Variants in MACROD2 observed in about 807,000 individuals in gnomAD.
The protein encoded by MACROD2 is mono-ADP ribosylhydrolase 2, also known as ADP-ribose glycohydrolase MACROD2.
MACROD2 carries 36 observed loss-of-function variants against 70.4 expected under a neutral mutation model. The ratio of observed to expected loss-of-function variants is 0.51; its 90% CI spans 0.39 to 0.68. The LOEUF is 0.68. Ranked by LOEUF, MACROD2 falls within the 30% of genes least tolerant of loss-of-function variation. MACROD2 has a pLI of 0.00. For synonymous variants in MACROD2, 172 were observed against 178.8 expected (o/e 0.96, Z 0.30); for missense variants, 496 against 538.4 (o/e 0.92, Z 0.78).
intron 3 of MACROD2, among the ~76,000 whole-genome samples, chr20:14,180,905 A>T (rs1272128899): frequency 6.6e-6 from 1 of 152,020 alleles, no homozygotes; most frequent in Admixed American, 6.6e-5. Flanking sequence ...TATAAAGTAG[A>T]CTAGTAATTT....
chr20:15,290,221 A>T (rs754714884), intron 6 of MACROD2, among the ~76,000 whole-genome samples: 2 of 152,208 alleles, frequency 1.3e-5, no homozygotes, highest in Admixed American at 6.5e-5. Context: ...TTCCATGATG[A>T]TGTAATTTTC....
At chr20:15,304,630 C>T (rs2077678418) in intron 6 of MACROD2, among the ~76,000 whole-genome samples, 1 of 152,166 alleles carries the variant, frequency 6.6e-6, no homozygotes, top group Non-Finnish European at 1.5e-5. Flanking sequence ...TTATCAGCAC[C>T]AGCTCATATT....
At chr20:14,097,357 A>G (rs975344675) in intron 3 of MACROD2, among the ~76,000 whole-genome samples, 7 of 152,220 alleles carry the variant, frequency 4.6e-5, no homozygotes, top group Non-Finnish European at 1.0e-4. Context: ...TGGAGAAGAT[A>G]GATTGCAGGC....
intron 5 of MACROD2, among the ~76,000 whole-genome samples, chr20:15,056,167 T>A (rs1249694718): frequency 6.6e-6 from 1 of 152,098 alleles, no homozygotes; most frequent in Non-Finnish European, 1.5e-5. Flanking sequence ...TAACTGGAAG[T>A]CTGACATTTA....
intron 8 of MACROD2, among the ~76,000 whole-genome samples, chr20:15,585,624 C>A (rs1192465331): frequency 3.9e-5 from 6 of 152,180 alleles, no homozygotes; most frequent in Non-Finnish European, 7.4e-5. Context: ...CTCTCTCCCC[C>A]AGGGATGGGA....
intron 3 of MACROD2, among the ~76,000 whole-genome samples, chr20:14,277,729 G>C (rs1335824256): frequency 6.6e-6 from 1 of 152,016 alleles, no homozygotes; most frequent in Non-Finnish European, 1.5e-5. Flanking sequence ...GAGAGAGAGA[G>C]AAAAGAAATA....
At chr20:15,616,098 CTTT>C (rs34011264) in intron 8 of MACROD2, among the ~76,000 whole-genome samples, 1 of 111,198 alleles carries the variant, frequency 9.0e-6, no homozygotes, top group Admixed American at 9.4e-5. Flanking sequence ...GTTCCCCATT[CTTT>C]TTTTTTTTTT....
chr20:14,245,256 G>A (rs1267740280), intron 3 of MACROD2, among the ~76,000 whole-genome samples: 3 of 151,826 alleles, frequency 2.0e-5, no homozygotes, highest in African/African-American at 7.3e-5. Context: ...CCAGCTACTT[G>A]GGAGGCTGAG....
At chr20:15,735,387 A>C (rs1043595310) in intron 8 of MACROD2, among the ~76,000 whole-genome samples, 1 of 152,252 alleles carries the variant, frequency 6.6e-6, no homozygotes, top group Non-Finnish European at 1.5e-5. Context: ...AATTGCTTTT[A>C]ATAAGGACTA....
chr20:15,959,722 C>T (rs564971787), intron 12 of MACROD2, among the ~76,000 whole-genome samples: 5 of 152,040 alleles, frequency 3.3e-5, no homozygotes, highest in East Asian at 3.9e-4. Flanking sequence ...TTAGTAGAAG[C>T]GGGGTTTCAC....
At chr20:15,186,313 G>C (rs1019393978) in intron 5 of MACROD2, among the ~76,000 whole-genome samples, 1 of 152,128 alleles carries the variant, frequency 6.6e-6, no homozygotes, top group Non-Finnish European at 1.5e-5. Context: ...CCCAGGTTCT[G>C]TTCACCTGCA....
At chr20:14,343,239 TAA>T (rs5840609) in intron 3 of MACROD2, among the ~76,000 whole-genome samples, 1 of 146,024 alleles carries the variant, frequency 6.8e-6, no homozygotes. Flanking sequence ...TTTAAAATGT[TAA>T]AAAAAAAAAA....
chr20:14,232,415 CA>C (rs1348351641), intron 3 of MACROD2, among the ~76,000 whole-genome samples: 1 of 152,220 alleles, frequency 6.6e-6, no homozygotes, highest in Non-Finnish European at 1.5e-5. Context: ...TTTGCCTACA[CA>C]GGAAATCTCT....
intron 3 of MACROD2, among the ~76,000 whole-genome samples, chr20:14,176,178 G>A (rs146232785): frequency 2.6e-5 from 4 of 152,236 alleles, no homozygotes; most frequent in African/African-American, 4.8e-5. Context: ...TATTAGAGAT[G>A]TTTATCTGAG....
At chr20:14,279,238 C>T (rs1239941607) in intron 3 of MACROD2, among the ~76,000 whole-genome samples, 2 of 152,144 alleles carry the variant, frequency 1.3e-5, no homozygotes, top group African/African-American at 2.4e-5. Context: ...AAATAATTTC[C>T]TTTTCACAGA....
At chr20:14,701,730 T>C (rs914057382) in intron 5 of MACROD2, among the ~76,000 whole-genome samples, 4 of 152,162 alleles carry the variant, frequency 2.6e-5, no homozygotes, top group Non-Finnish European at 5.9e-5. Context: ...ATAGTTTCAC[T>C]AAAAGGAGAA....
At chr20:15,786,617 C>T (rs533393170) in intron 8 of MACROD2, among the ~76,000 whole-genome samples, 1 of 152,150 alleles carries the variant, frequency 6.6e-6, no homozygotes, top group East Asian at 1.9e-4. Context: ...AATTATCTCA[C>T]ATATGCAAGA....
At chr20:16,003,078 C>CA (rs2066734238) in intron 15 of MACROD2, among the ~76,000 whole-genome samples, 37 of 129,992 alleles carry the variant, frequency 2.8e-4, no homozygotes, top group African/African-American at 8.8e-4. Context: ...ACCCACCCAC[C>CA]CACCCACACA....
At position 15,431,745 on chromosome 20, in the gene MACROD2, C is replaced by A. The variant is rs186056475; in HGVS notation, c.571+310C>A. 1.8e-3 allele frequency among the ~76,000 whole-genome samples: 281 copies of A among 152,086 alleles called. 1 individual carries two copies. Among genetic ancestry groups the A allele is most frequent in the African/African-American group, 6.5e-3 (268 of 41,540 alleles). Reference sequence around the variant, plus strand: ...TGCTTTGTTTAATGAAATCAAATTTCTTCTCAGTAGAAAGCATAATGTACA... The same window carrying A: ...TGCTTTGTTTAATGAAATCAAATTTATTCTCAGTAGAAAGCATAATGTACA... On this transcript the variant is annotated intron_variant, in intron 7 of 17. Transcript: ENST00000684519.
Sources: gnomAD v4.1 joint callset for allele counts (sites outside exome capture counted in the v4.1 genomes callset) on GRCh38, gnomAD v4.1.1 for gene constraint, MANE v1.5 for transcripts, NCBI Gene and HGNC (gene_info 2026-07-23, HGNC 2026-07-21) for gene names.